Variants in MTSS1 observed in about 807,000 individuals in gnomAD.
MTSS1 encodes protein MTSS 1.
MTSS1 carries 18 observed loss-of-function variants against 79.0 expected under a neutral mutation model. The ratio of observed to expected loss-of-function variants is 0.23; its 90% confidence interval spans 0.16 to 0.34. The LOEUF is 0.34. Ranked by LOEUF, MTSS1 falls within the 10% of genes least tolerant of loss-of-function variation. The pLI, the probability that MTSS1 is intolerant of heterozygous loss-of-function variation, is 1.00. For missense variants in MTSS1, 815 were observed against 986.2 expected, an observed-to-expected ratio of 0.83 and a Z score of 2.33; for synonymous variants, 341 against 368.6, an observed-to-expected ratio of 0.93 and a Z score of 0.86.
rs566341373 is a variant in MTSS1, at chr8:124,553,923, C to T, written c.1568-231G>A. ...CAAGTACCTAGAACAGTGCTGGACA[C>T]GGTAGGCACTCAAATATCGTCAATG... On this transcript the variant is annotated intron_variant, in intron 13 of 13. Coordinates refer to ENST00000518547, the MANE Select transcript of MTSS1 (RefSeq NM_014751.6). The surrounding 1 kb of genome is among the most constrained non-coding windows in gnomAD (Gnocchi z 6.0). Among the ~76,000 whole-genome samples the T allele has an allele frequency of 3.8e-4, 58 of 152,206 alleles. No homozygotes were observed. The highest frequency in any genetic ancestry group is 1.2e-3 in the African/African-American group (49 of 41,530).
rs1181405037 is a variant in MTSS1, at chr8:124,555,834, T to C, written c.1475A>G (p.Gln492Arg). The change falls in exon 13 of 14, where the codon CAG (glutamine) becomes CGG (arginine). Residue 492 changes from glutamine (Q) to arginine (R), a missense_variant. Transcript: ENST00000518547. ...ALSRGLQLDTQRSSRDSLQCS... is the reference protein window; with the variant it reads ...ALSRGLQLDTRRSSRDSLQCS... The stretch of plus-strand genomic sequence containing the variant: ...CTGAAGCGAGTCCCGGCTGCTCCTC[T>C]GGGTGTCCAGCTGCAGGCCCCGAGA... 1 of 1,613,550 alleles carries C rather than the reference T, an allele frequency of 6.2e-7. No individual in the cohort carries two copies. The highest frequency in any genetic ancestry group is 8.5e-7 in the Non-Finnish European group (1 of 1,179,958).
At chr8:124,661,434 T>G (rs529849153) in intron 3 of MTSS1, among the ~76,000 whole-genome samples, 1 of 152,106 alleles carries the variant, frequency 6.6e-6, no homozygotes, top group Non-Finnish European at 1.5e-5. Flanking sequence ...GTTTTTCTGA[T>G]GAAAACATGA....
chr8:124,602,188 C>CATATATATATATATATAT lies in MTSS1; in HGVS notation c.209-10971_209-10954dup. ...ATCACAAATAAATCTCATATATATACATATATATATATATATATAATTTTT... is the reference window on the plus strand; with the variant it reads ...ATCACAAATAAATCTCATATATATACATATATATATATATATATATATATATATATATATATAATTTTT... On this transcript the variant is annotated intron_variant, in intron 3 of 13. Transcript: ENST00000518547. 9.5e-4 allele frequency among the ~76,000 whole-genome samples: 111 copies of CATATATATATATATATAT among 116,772 alleles called. 3 individuals carry two copies. The highest frequency in any genetic ancestry group is 4.4e-3 in the African/African-American group (102 of 23,344). The allele number at this position is 116,772 out of a possible 152,430, so 76.6% of individuals were successfully genotyped here.
intron 3 of MTSS1, among the ~76,000 whole-genome samples, chr8:124,685,521 T>C (rs1826819715): frequency 6.6e-6 from 1 of 152,136 alleles, no homozygotes; most frequent in Admixed American, 6.5e-5. Context: ...AAAGGCGTCC[T>C]GGAGGAGAGA....
intron 3 of MTSS1, among the ~76,000 whole-genome samples, chr8:124,612,554 T>A (rs1259283879): frequency 6.7e-6 from 1 of 148,682 alleles, no homozygotes; most frequent in East Asian, 2.0e-4. Flanking sequence ...AAAACTGAGA[T>A]TTTAAAGACC....
intron 3 of MTSS1, among the ~76,000 whole-genome samples, chr8:124,649,235 T>C (rs1332922517): frequency 6.6e-6 from 1 of 152,138 alleles, no homozygotes; most frequent in Non-Finnish European, 1.5e-5. Flanking sequence ...GAGTGTTGAG[T>C]GGTTGTGAGA....
In MTSS1 at chr8:124,551,350, C is replaced by A. The variant is rs1026755518; in HGVS notation, c.*1642G>T. The A allele has an allele frequency of 6.6e-6, 1 of 152,620 alleles. No individual in the cohort carries two copies. Among genetic ancestry groups the A allele is most frequent in the East Asian group, 1.9e-4 (1 of 5,202 alleles). The allele number at this position is 152,620 out of a possible 1,614,324, so 9.5% of individuals were successfully genotyped here. ...TCAAAGAAAAAAGCTTAAATAGTTT[C>A]TAATAATCATGCCTTTGCTTTAAAG... is the stretch of plus-strand genomic sequence containing the variant. On this transcript the variant is annotated 3_prime_UTR_variant, in exon 14 of 14. Transcript: ENST00000518547.
At chr8:124,579,002 C>T (rs1203922995) in intron 6 of MTSS1, among the ~76,000 whole-genome samples, 1 of 152,178 alleles carries the variant, frequency 6.6e-6, no homozygotes, top group Non-Finnish European at 1.5e-5. Flanking sequence ...CCCAAATTCA[C>T]TGTGGCTTTG....
At chr8:124,622,869 G>A (rs1168706492) in intron 3 of MTSS1, among the ~76,000 whole-genome samples, 1 of 151,440 alleles carries the variant, frequency 6.6e-6, no homozygotes, top group East Asian at 1.9e-4. Context: ...ATTTCACTAA[G>A]TGTATCAAAA....
chr8:124,712,467 G>A (rs1337392119), intron 1 of MTSS1, among the ~76,000 whole-genome samples: 1 of 152,162 alleles, frequency 6.6e-6, no homozygotes, highest in Admixed American at 6.5e-5. Context: ...GCAAGAATCC[G>A]CTCAGCTTCC....
rs1822833635 is a variant in MTSS1 at position 124,553,185 on chromosome 8, T to C, written c.2075A>G (p.Glu692Gly). The stretch of plus-strand genomic sequence containing the variant: ...CCGTTCCTGGTCTTCAGCTTCACTT[T>C]CTGGAATTGCCTGTCTGTGCTCCTC... Reference protein sequence around the residue: ...IPEEHRQAIPESEAEDQEREP... With the variant: ...IPEEHRQAIPGSEAEDQEREP... Residue 692 changes from glutamate (E) to glycine (G), a missense_variant, in exon 14 of 14, where the codon GAA becomes GGA. Physicochemically the swap from Glu to Gly is moderately conservative, Grantham distance 98 (BLOSUM62 -2). This residue lies in a region of MTSS1 where 590 missense variants were observed against 620.8 expected (regional missense o/e 0.95). Coordinates refer to ENST00000518547, the MANE Select transcript of MTSS1 (RefSeq NM_014751.6). This position sits in a 1 kb window ranked among gnomAD's most constrained non-coding sequence, Gnocchi z 6.0. The C allele has an allele frequency of 6.2e-7, 1 of 1,614,040 alleles. No individual in the cohort carries two copies. The highest frequency in any genetic ancestry group is 1.3e-5 in the African/African-American group (1 of 74,892).
chr8:124,717,097 A>G (rs974731894), intron 1 of MTSS1, among the ~76,000 whole-genome samples: 31 of 151,182 alleles, frequency 2.1e-4, no homozygotes, highest in African/African-American at 7.3e-4. Flanking sequence ...CTTCCCTTGC[A>G]CTGAACACTG....
chr8:124,553,858 C>T lies in MTSS1; in HGVS notation c.1568-166G>A, dbSNP rs912189620. 6.6e-6 allele frequency among the ~76,000 whole-genome samples: 1 copy of T among 152,170 alleles called. No individual in the cohort carries two copies. On this transcript the variant is annotated intron_variant, in intron 13 of 13. Transcript: ENST00000518547. This position sits in a 1 kb window ranked among gnomAD's most constrained non-coding sequence, Gnocchi z 6.0. ...TTCAGAAAGCCTCACCAACTAAGAACTCCGTGGCAGGGATCTTTGCTTTGT... is the reference window on the plus strand; with the variant it reads ...TTCAGAAAGCCTCACCAACTAAGAATTCCGTGGCAGGGATCTTTGCTTTGT...
chr8:124,647,451 G>C (rs768488261), intron 3 of MTSS1, among the ~76,000 whole-genome samples: 3 of 152,100 alleles, frequency 2.0e-5, no homozygotes, highest in Non-Finnish European at 2.9e-5. Context: ...TTTGTAGTGA[G>C]AGCATTTAAG....
rs570777574 is a variant in MTSS1, at chr8:124,605,897, T to C, written c.209-14662A>G. Reference sequence around the variant, plus strand: ...AACATGACAAACCCTTGCAGGAATGTTGTATTCATTTTTTTAAAATCTCAT... The same window carrying C: ...AACATGACAAACCCTTGCAGGAATGCTGTATTCATTTTTTTAAAATCTCAT... On this transcript the variant is annotated intron_variant, in intron 3 of 13. Coordinates refer to ENST00000518547, the MANE Select transcript of MTSS1 (RefSeq NM_014751.6). Among the ~76,000 whole-genome samples, 44 of 152,188 alleles carry C rather than the reference T, an allele frequency of 2.9e-4. No individual in the cohort carries two copies. In the South Asian group the frequency reaches 7.1e-3, roughly 24 times the overall value.
At chr8:124,567,991 C>T (rs1338931504) in intron 7 of MTSS1, 3 of 1,313,018 alleles carry the variant, frequency 2.3e-6, no homozygotes, top group East Asian at 5.4e-5. Context: ...TCAAAACCAC[C>T]TGGAGTGCTC....
At chr8:124,722,847 G>C (rs890346640) in intron 1 of MTSS1, among the ~76,000 whole-genome samples, 8 of 152,112 alleles carry the variant, frequency 5.3e-5, no homozygotes, top group Non-Finnish European at 1.0e-4. Context: ...AGAAGTAATG[G>C]GGAACTCAAA....
At chr8:124,654,181 A>G (rs1820529503) in intron 3 of MTSS1, among the ~76,000 whole-genome samples, 1 of 152,208 alleles carries the variant, frequency 6.6e-6, no homozygotes, top group Non-Finnish European at 1.5e-5. Flanking sequence ...CAAAGAAAGG[A>G]GGGACAGGCC....
chr8:124,652,243 G>A (rs1209734583), intron 3 of MTSS1, among the ~76,000 whole-genome samples: 3 of 152,134 alleles, frequency 2.0e-5, no homozygotes, highest in Admixed American at 2.0e-4. Context: ...GCACAATCTT[G>A]GCTCACTGCA....
Sources: gnomAD v4.1 joint callset for allele counts (sites outside exome capture counted in the v4.1 genomes callset) on GRCh38, gnomAD v4.1.1 for gene constraint, gnomAD v4.1.1 regional missense constraint, Gnocchi (gnomAD v3.1) non-coding constraint, MANE v1.5 for transcripts, NCBI Gene and HGNC (gene_info 2026-07-23, HGNC 2026-07-21) for gene names.